Variants in SMYD3 observed in about 807,000 individuals in gnomAD.
SMYD3 encodes SET and MYND domain containing 3, also known as histone-lysine N-methyltransferase SMYD3.
A neutral mutation model predicts 57.7 loss-of-function variants in SMYD3; 36 were observed. That is an observed-to-expected ratio of 0.62 (90% CI 0.48 to 0.82). The LOEUF (loss-of-function observed/expected upper bound fraction) is 0.82, where lower values mean the gene tolerates loss of function less well. Ranked by LOEUF, SMYD3 falls within the 40% of genes least tolerant of loss-of-function variation. SMYD3 has a pLI of 0.00. For missense variants in SMYD3, 515 were observed against 538.8 expected (o/e 0.96, Z 0.44); for synonymous variants, 211 against 195.0 (o/e 1.08, Z -0.68).
At chr1:245,797,946 T>C (rs1041892539) in intron 10 of SMYD3, among the ~76,000 whole-genome samples, 4 of 151,920 alleles carry the variant, frequency 2.6e-5, no homozygotes, top group African/African-American at 9.7e-5. Flanking sequence ...TTTCACAATA[T>C]GGGTTTGAGG....
At chr1:246,425,295 A>G (rs1331752408) in intron 1 of SMYD3, among the ~76,000 whole-genome samples, 1 of 152,150 alleles carries the variant, frequency 6.6e-6, no homozygotes, top group Non-Finnish European at 1.5e-5. Context: ...AGAAACGACC[A>G]CAGCTCTCCT....
At chr1:246,141,396 GA>G in intron 5 of SMYD3, among the ~76,000 whole-genome samples, 1 of 152,284 alleles carries the variant, frequency 6.6e-6, no homozygotes, top group Middle Eastern at 3.4e-3. Context: ...GTAAAACAAA[GA>G]CAAACAATTA....
chr1:246,344,970 A>G (rs1408439475), intron 2 of SMYD3, among the ~76,000 whole-genome samples: 1 of 152,226 alleles, frequency 6.6e-6, no homozygotes, highest in African/African-American at 2.4e-5. Flanking sequence ...AGAGAGAGAG[A>G]AGGAGGGAGA....
intron 5 of SMYD3, among the ~76,000 whole-genome samples, chr1:246,066,407 G>T (rs997166822): frequency 1.3e-5 from 2 of 152,174 alleles, no homozygotes; most frequent in African/African-American, 4.8e-5. Flanking sequence ...TTAAGAATTA[G>T]TCTTCCAATA....
chr1:245,889,912 T>TA (rs1342227087), intron 8 of SMYD3, among the ~76,000 whole-genome samples: 2 of 151,986 alleles, frequency 1.3e-5, no homozygotes, highest in African/African-American at 2.4e-5. Flanking sequence ...TGGAAAGAAA[T>TA]AGAGAATCCA....
At chr1:246,434,555 T>C (rs1305911295) in intron 1 of SMYD3, among the ~76,000 whole-genome samples, 1 of 152,156 alleles carries the variant, frequency 6.6e-6, no homozygotes. Flanking sequence ...ATGTTCCACA[T>C]CACTAATCAT....
At chr1:245,913,059 A>G (rs2055118262) in intron 8 of SMYD3, among the ~76,000 whole-genome samples, 1 of 152,190 alleles carries the variant, frequency 6.6e-6, no homozygotes, top group Admixed American at 6.5e-5. Flanking sequence ...AGACACATGC[A>G]CACGTATGTT....
intron 5 of SMYD3, among the ~76,000 whole-genome samples, chr1:246,243,508 C>T (rs2063652345): frequency 6.6e-6 from 1 of 150,400 alleles, no homozygotes; most frequent in Non-Finnish European, 1.5e-5. Context: ...TAACTATCAC[C>T]TGCCTCTGGA....
intron 5 of SMYD3, among the ~76,000 whole-genome samples, chr1:245,938,134 A>C (rs1395096863): frequency 2.0e-5 from 3 of 152,228 alleles, no homozygotes; most frequent in Non-Finnish European, 4.4e-5. Flanking sequence ...TCTCCGGGTG[A>C]ACTTTTGGCA....
chr1:245,953,740 A>C (rs942962205), intron 5 of SMYD3, among the ~76,000 whole-genome samples: 1 of 152,170 alleles, frequency 6.6e-6, no homozygotes, highest in Non-Finnish European at 1.5e-5. Context: ...AGTTTTTAAA[A>C]ATAAACAGCA....
rs143162879 is a variant in SMYD3 at position 245,981,044 on chromosome 1, C to A, written c.532-51107G>T. 1.6e-4 allele frequency among the ~76,000 whole-genome samples: 25 copies of A among 152,310 alleles called. No homozygotes were observed. The East Asian group carries it at 4.0e-3, about 25-fold the overall frequency. ...ACCCTTTAGAGAGAGGTCTGTTGAT[C>A]CCTAACTTGGAGTATCCCACTGTGA... On this transcript the variant is annotated intron_variant, in intron 5 of 11. Transcript: ENST00000490107.
At chr1:245,852,790 C>T (rs1241514107) in intron 10 of SMYD3, among the ~76,000 whole-genome samples, 2 of 152,134 alleles carry the variant, frequency 1.3e-5, no homozygotes, top group Non-Finnish European at 2.9e-5. Context: ...TTTAAAAATG[C>T]TTGGGTCTTG....
intron 5 of SMYD3, among the ~76,000 whole-genome samples, chr1:246,096,862 A>C (rs113776163): frequency 3.3e-5 from 5 of 152,318 alleles, no homozygotes; most frequent in African/African-American, 1.2e-4. Flanking sequence ...CAACCACCAA[A>C]TGATCTGTCC....
chr1:246,244,631 A>G (rs1009129443), intron 5 of SMYD3, among the ~76,000 whole-genome samples: 2 of 152,212 alleles, frequency 1.3e-5, no homozygotes, highest in African/African-American at 4.8e-5. Context: ...TATGGCAGAT[A>G]TAAAACATGT....
chr1:246,245,417 T>A (rs2063686458), intron 5 of SMYD3, among the ~76,000 whole-genome samples: 1 of 152,110 alleles, frequency 6.6e-6, no homozygotes, highest in Non-Finnish European at 1.5e-5. Flanking sequence ...TACTCTAGCC[T>A]GGGTGACAGA....
At chr1:246,044,969 A>G (rs2059936817) in intron 5 of SMYD3, among the ~76,000 whole-genome samples, 2 of 152,200 alleles carry the variant, frequency 1.3e-5, no homozygotes, top group African/African-American at 4.8e-5. Flanking sequence ...CCACTGCTCA[A>G]CGAAATAAAA....
rs1148721 is a variant in SMYD3, at chr1:246,313,444, C to T, written c.531+13757G>A. On this transcript the variant is annotated intron_variant, in intron 5 of 11. Coordinates refer to ENST00000490107, the MANE Select transcript of SMYD3 (RefSeq NM_001167740.2). Reference sequence around the variant, plus strand: ...GATGCTGTATTGGCTGAAGAAAATGCTGCCACCCATCGGGGAAGGAAAGGA... The same window carrying T: ...GATGCTGTATTGGCTGAAGAAAATGTTGCCACCCATCGGGGAAGGAAAGGA... 1.8e-3 allele frequency among the ~76,000 whole-genome samples: 269 copies of T among 152,306 alleles called. 1 individual carries two copies. Among genetic ancestry groups the T allele is most frequent in the African/African-American group, 6.3e-3 (260 of 41,574 alleles).
In SMYD3 at chr1:245,793,648, C is replaced by T. The variant is rs546456730; in HGVS notation, c.1077-29499G>A. On this transcript the variant is annotated intron_variant, in intron 10 of 11. Coordinates refer to ENST00000490107, the MANE Select transcript of SMYD3 (RefSeq NM_001167740.2). The stretch of plus-strand genomic sequence containing the variant: ...GCCCTCCCCTGCTCTGCCCAGTGCC[C>T]CCCCAACTGCCCTCACCTCTATGCT... Among the ~76,000 whole-genome samples, 4 of 152,008 alleles carry T rather than the reference C, an allele frequency of 2.6e-5. No individual in the cohort carries two copies. In the South Asian group the frequency reaches 8.3e-4, roughly 32 times the overall value.
intron 10 of SMYD3, among the ~76,000 whole-genome samples, chr1:245,829,254 G>A (rs2049697766): frequency 6.6e-6 from 1 of 151,998 alleles, no homozygotes; most frequent in Non-Finnish European, 1.5e-5. Flanking sequence ...TGGAAGTATT[G>A]AATATTTAAT....
Sources: allele counts gnomAD v4.1 joint callset (sites outside exome capture counted in the v4.1 genomes callset), GRCh38; gene constraint gnomAD v4.1.1; transcripts MANE v1.5; gene names NCBI Gene and HGNC (gene_info 2026-07-23, HGNC 2026-07-21).